DLG2: variants seen among roughly 807,000 people sequenced by gnomAD.
The protein encoded by DLG2 is discs large MAGUK scaffold protein 2, also known as disks large homolog 2.
In DLG2, 45 loss-of-function variants were observed where a neutral mutation model predicts 132.5. The observed-to-expected ratio is 0.34, with a 90% CI of 0.27 to 0.44. The LOEUF is 0.44. Ranked by LOEUF, DLG2 falls within the 20% of genes least tolerant of loss-of-function variation. The pLI, the probability that DLG2 is intolerant of heterozygous loss-of-function variation, is 1.00. For synonymous variants in DLG2, 424 were observed against 419.6 expected, an observed-to-expected ratio of 1.01 and a Z score of -0.13; for missense variants, 1,045 against 1,196.9, an observed-to-expected ratio of 0.87 and a Z score of 1.87.
intron 7 of DLG2, among the ~76,000 whole-genome samples, chr11:84,256,895 G>C (rs972460128): frequency 6.6e-6 from 1 of 152,166 alleles, no homozygotes; most frequent in African/African-American, 2.4e-5. Context: ...AGCTGTTTTA[G>C]ACTGGCAGCT....
At chr11:83,804,404 T>G (rs149776504) in intron 17 of DLG2, among the ~76,000 whole-genome samples, 1 of 152,244 alleles carries the variant, frequency 6.6e-6, no homozygotes, top group African/African-American at 2.4e-5. Context: ...TCTGAACTAT[T>G]GAAACAGGCC....
At chr11:84,708,616 C>T (rs2060033432) in intron 6 of DLG2, among the ~76,000 whole-genome samples, 1 of 151,694 alleles carries the variant, frequency 6.6e-6, no homozygotes, top group African/African-American at 2.4e-5. Context: ...TCCCTTCAGC[C>T]AAAACAGGCA....
chr11:83,740,974 T>A (rs1204978345), intron 18 of DLG2, among the ~76,000 whole-genome samples: 1 of 152,148 alleles, frequency 6.6e-6, no homozygotes, highest in Non-Finnish European at 1.5e-5. Context: ...AGTAGGCATT[T>A]TCCTGCGAGG....
intron 4 of DLG2, among the ~76,000 whole-genome samples, chr11:85,237,635 A>G (rs578104919): frequency 1.3e-3 from 192 of 152,174 alleles, no homozygotes; most frequent in Middle Eastern, 3.4e-3. Flanking sequence ...GTTCCTGATC[A>G]TGACCAGATG....
intron 19 of DLG2, among the ~76,000 whole-genome samples, chr11:83,581,948 CTTTTT>C (rs71849863): frequency 3.8e-4 from 20 of 52,636 alleles, no homozygotes; most frequent in African/African-American, 1.5e-3. Context: ...AGTTTGGACT[CTTTTT>C]TTTTTTTTTT....
intron 3 of DLG2, among the ~76,000 whole-genome samples, chr11:85,558,966 G>A (rs2077075674): frequency 1.3e-5 from 2 of 151,578 alleles, no homozygotes; most frequent in Admixed American, 1.3e-4. Context: ...TTTTTTAAAT[G>A]AGAAGCTAAA....
At chr11:83,520,387 A>C (rs1012969905) in intron 21 of DLG2, among the ~76,000 whole-genome samples, 2 of 152,208 alleles carry the variant, frequency 1.3e-5, no homozygotes, top group African/African-American at 4.8e-5. Flanking sequence ...ATGTATACCA[A>C]TAGCCCTGGA....
At chr11:83,662,494 A>G (rs1172706988) in intron 18 of DLG2, among the ~76,000 whole-genome samples, 1 of 152,200 alleles carries the variant, frequency 6.6e-6, no homozygotes, top group East Asian at 1.9e-4. Context: ...TAAAAAAGGG[A>G]ACAAATACTT....
chr11:84,986,237 C>T (rs944138389), intron 6 of DLG2, among the ~76,000 whole-genome samples: 6 of 152,046 alleles, frequency 3.9e-5, no homozygotes, highest in Non-Finnish European at 7.4e-5. Context: ...TACAACCTTC[C>T]TAGCTTAAAT....
intron 6 of DLG2, among the ~76,000 whole-genome samples, chr11:84,549,522 C>A (rs2099397437): frequency 6.6e-6 from 1 of 152,178 alleles, no homozygotes; most frequent in Admixed American, 6.5e-5. Flanking sequence ...GATGCAAATT[C>A]CCTGCAGCTC....
In DLG2 at chr11:85,443,428, T is replaced by G. The variant is rs1179055629; in HGVS notation, c.40+155229A>C. ...CTTAGTCTCTCTGAGGCTTATTTCT[T>G]CAATTATGAAAGACAGAACCTCTTT... On this transcript the variant is annotated intron_variant, in intron 3 of 27. Transcript: ENST00000376104. Among the ~76,000 whole-genome samples, 5 of 152,206 alleles carry G rather than the reference T, an allele frequency of 3.3e-5. No individual in the cohort carries two copies. In the East Asian group the frequency reaches 9.6e-4, roughly 29 times the overall value.
chr11:84,802,059 T>C (rs369233452), intron 6 of DLG2, among the ~76,000 whole-genome samples: 1 of 151,596 alleles, frequency 6.6e-6, no homozygotes, highest in Admixed American at 6.6e-5. Flanking sequence ...GGTGATCATT[T>C]AATGTTTTAG....
At chr11:84,724,074 G>T (rs1451261795) in intron 6 of DLG2, among the ~76,000 whole-genome samples, 1 of 152,010 alleles carries the variant, frequency 6.6e-6, no homozygotes, top group African/African-American at 2.4e-5. Context: ...TAAAAAAGGG[G>T]TTGTTCATGT....
chr11:84,010,565 G>T (rs1273819686), intron 11 of DLG2, among the ~76,000 whole-genome samples: 4 of 152,042 alleles, frequency 2.6e-5, no homozygotes, highest in Admixed American at 6.6e-5. Context: ...GTCTCCCAAG[G>T]TGATGGGATT....
At chr11:83,751,382 CT>C (rs1197613987) in intron 18 of DLG2, among the ~76,000 whole-genome samples, 2 of 152,034 alleles carry the variant, frequency 1.3e-5, no homozygotes, top group Non-Finnish European at 2.9e-5. Flanking sequence ...ATATTAAGGA[CT>C]TTGGCTTTTG....
intron 18 of DLG2, among the ~76,000 whole-genome samples, chr11:83,768,363 TC>T (rs1566889992): frequency 6.6e-6 from 1 of 152,224 alleles, no homozygotes; most frequent in African/African-American, 2.4e-5. Flanking sequence ...AGAAAGTATT[TC>T]CATTTGTGAT....
intron 6 of DLG2, among the ~76,000 whole-genome samples, chr11:84,750,580 A>G (rs1452265497): frequency 6.6e-6 from 1 of 152,116 alleles, no homozygotes; most frequent in Non-Finnish European, 1.5e-5. Flanking sequence ...ATTGAAAAAA[A>G]CTATATACCA....
chr11:84,688,861 C>T (rs1290271987), intron 6 of DLG2, among the ~76,000 whole-genome samples: 1 of 152,144 alleles, frequency 6.6e-6, no homozygotes, highest in Non-Finnish European at 1.5e-5. Context: ...TGGTGGAGGA[C>T]TATGAAATCC....
intron 3 of DLG2, among the ~76,000 whole-genome samples, chr11:85,542,692 C>A (rs2076049562): frequency 6.6e-6 from 1 of 152,180 alleles, no homozygotes; most frequent in Non-Finnish European, 1.5e-5. Flanking sequence ...ATTCTTCATT[C>A]TCTGTTCCTA....
Sources: gnomAD v4.1 joint callset for allele counts (sites outside exome capture counted in the v4.1 genomes callset) on GRCh38, gnomAD v4.1.1 for gene constraint, MANE v1.5 for transcripts, NCBI Gene and HGNC (gene_info 2026-07-23, HGNC 2026-07-21) for gene names.